SMAD9: variants seen among roughly 807,000 people sequenced by gnomAD.
The protein encoded by SMAD9 is SMAD family member 9, also known as MAD homolog 9.
In SMAD9, 36 loss-of-function variants were observed where a neutral mutation model predicts 46.1. The ratio of observed to expected loss-of-function variants is 0.78; its 90% CI spans 0.60 to 1.03. SMAD9 has a LOEUF of 1.03. SMAD9 is among the 50% of genes least tolerant of loss of function. The pLI is 0.00. For missense variants in SMAD9, 572 were observed against 599.8 expected (o/e 0.95, Z 0.48); for synonymous variants, 245 against 237.1 (o/e 1.03, Z -0.31).
chr13:36,905,475 G>C (rs544396736), intron 1 of SMAD9, among the ~76,000 whole-genome samples: 1 of 152,052 alleles, frequency 6.6e-6, no homozygotes, highest in African/African-American at 2.4e-5. Flanking sequence ...ATTACTTCCG[G>C]CCAGACACGG....
chr13:36,879,251 A>G, intron 2 of SMAD9, 27 bp downstream of exon 2: 1 of 1,607,804 alleles, frequency 6.2e-7, no homozygotes. Context: ...TCTGAAAATA[A>G]ACCTTGACGT....
intron 1 of SMAD9, among the ~76,000 whole-genome samples, chr13:36,905,466 T>C (rs1378712726): frequency 2.6e-5 from 4 of 152,036 alleles, no homozygotes; most frequent in African/African-American, 9.7e-5. Flanking sequence ...TTAAAAATTA[T>C]TACTTCCGGC....
At chr13:36,868,565 C>T (rs1294077983) in intron 3 of SMAD9, among the ~76,000 whole-genome samples, 1 of 152,054 alleles carries the variant, frequency 6.6e-6, no homozygotes, top group Non-Finnish European at 1.5e-5. Flanking sequence ...CATGATGAGA[C>T]CCCATCCTAC....
At chr13:36,870,299 TC>T (rs2058278579) in intron 3 of SMAD9, among the ~76,000 whole-genome samples, 1 of 152,190 alleles carries the variant, frequency 6.6e-6, no homozygotes, top group South Asian at 2.1e-4. Flanking sequence ...ATCCTCCTGT[TC>T]CTTAACCAAG....
chr13:36,869,901 G>A (rs548029637), intron 3 of SMAD9, among the ~76,000 whole-genome samples: 2 of 152,120 alleles, frequency 1.3e-5, no homozygotes, highest in South Asian at 4.2e-4. Flanking sequence ...ATTAACATAT[G>A]AGAAACCACT....
intron 1 of SMAD9, among the ~76,000 whole-genome samples, chr13:36,907,530 C>G (rs1040853868): frequency 6.6e-6 from 1 of 152,006 alleles, no homozygotes; most frequent in African/African-American, 2.4e-5. Context: ...TTTTGATTAG[C>G]CAGGCGTGGT....
chr13:36,919,470 G>A (rs1470056628), intron 1 of SMAD9, among the ~76,000 whole-genome samples: 1 of 152,118 alleles, frequency 6.6e-6, no homozygotes, highest in African/African-American at 2.4e-5. Flanking sequence ...TTTTTTCTCA[G>A]TTCGCATGCC....
Position 36,845,508 on chromosome 13 carries a change from TAC to T in SMAD9, c.*3166_*3167del, listed in dbSNP as rs1355661252. ...TCTTGTGAGCAGACCGAAATGTTACTACAGTGTTCTCTATTGTGTGATCCTTG... is the reference window on the plus strand; with the variant it reads ...TCTTGTGAGCAGACCGAAATGTTACTAGTGTTCTCTATTGTGTGATCCTTG... On this transcript the variant is annotated 3_prime_UTR_variant, in exon 7 of 7. Transcript: ENST00000379826. The T allele has an allele frequency of 2.0e-5, 3 of 151,708 alleles. No individual in the cohort carries two copies. Among genetic ancestry groups the T allele is most frequent in the African/African-American group, 4.9e-5 (2 of 41,218 alleles). 9.4% of individuals were successfully genotyped at this position (151,708 alleles called of 1,614,324 possible). A position where few individuals can be genotyped will look rare whatever the true frequency, so the allele number is the denominator to read the frequency against.
At chr13:36,903,293 AT>A (rs2058593269) in intron 1 of SMAD9, among the ~76,000 whole-genome samples, 1 of 151,434 alleles carries the variant, frequency 6.6e-6, no homozygotes, top group Non-Finnish European at 1.5e-5. Flanking sequence ...CACCAGGCAA[AT>A]TTTTGTATTT....
chr13:36,860,015 T>C (rs1421891946), intron 5 of SMAD9, among the ~76,000 whole-genome samples: 3 of 151,928 alleles, frequency 2.0e-5, no homozygotes, highest in African/African-American at 7.3e-5. Flanking sequence ...AGGCAACCAG[T>C]AGCCCTGGTG....
chr13:36,849,224 G>A (rs1251187700), intron 6 of SMAD9: 1 of 174,026 alleles, frequency 5.7e-6, no homozygotes, highest in Non-Finnish European at 1.2e-5. Flanking sequence ...GGTAAAGACA[G>A]AACTGGAAGG....
intron 6 of SMAD9, among the ~76,000 whole-genome samples, chr13:36,849,021 G>C (rs997391595): frequency 1.3e-5 from 2 of 152,170 alleles, no homozygotes; most frequent in Non-Finnish European, 2.9e-5. Flanking sequence ...ATCCAAATCA[G>C]TGCATTCCCT....
chr13:36,854,689 A>G (rs1335461160), intron 5 of SMAD9, among the ~76,000 whole-genome samples: 3 of 152,232 alleles, frequency 2.0e-5, no homozygotes, highest in Non-Finnish European at 1.5e-5. Flanking sequence ...TTTAAAATTT[A>G]AAACTGGACA....
chr13:36,863,195 C>A (rs886903769), intron 5 of SMAD9, among the ~76,000 whole-genome samples: 1 of 152,194 alleles, frequency 6.6e-6, no homozygotes, highest in Non-Finnish European at 1.5e-5. Flanking sequence ...GAGAGAGAAT[C>A]CTGTGATCTC....
intron 1 of SMAD9, among the ~76,000 whole-genome samples, chr13:36,903,651 A>G (rs995375556): frequency 2.6e-5 from 4 of 152,224 alleles, no homozygotes; most frequent in African/African-American, 9.6e-5. Context: ...CTAATCTCAA[A>G]AGTCTCCAAA....
At chr13:36,861,478 C>A (rs570443710) in intron 5 of SMAD9, among the ~76,000 whole-genome samples, 2 of 151,366 alleles carry the variant, frequency 1.3e-5, no homozygotes, top group Admixed American at 6.6e-5. Context: ...CCACACCCGG[C>A]TAATTTTTTG....
intron 1 of SMAD9, among the ~76,000 whole-genome samples, chr13:36,894,747 T>C (rs1212269651): frequency 6.6e-6 from 1 of 152,076 alleles, no homozygotes; most frequent in African/African-American, 2.4e-5. Context: ...CTGTGTGGCA[T>C]CATGCTGATT....
chr13:36,868,534 G>A (rs1219488856), intron 3 of SMAD9, among the ~76,000 whole-genome samples: 2 of 152,120 alleles, frequency 1.3e-5, no homozygotes, highest in Admixed American at 1.3e-4. Flanking sequence ...GAGTCCAGGG[G>A]TTTGAGGCCA....
chr13:36,911,555 A>T (rs898853035), intron 1 of SMAD9, among the ~76,000 whole-genome samples: 5 of 134,994 alleles, frequency 3.7e-5, no homozygotes, highest in African/African-American at 1.3e-4. Context: ...TGTGTGGGCA[A>T]TTTTTAAAAT....
Sources: allele counts gnomAD v4.1 joint callset (sites outside exome capture counted in the v4.1 genomes callset), GRCh38; gene constraint gnomAD v4.1.1; transcripts MANE v1.5; gene names NCBI Gene and HGNC (gene_info 2026-07-23, HGNC 2026-07-21).